ARHGAP6: variants seen among roughly 807,000 people sequenced by gnomAD.
ARHGAP6 encodes the protein rho GTPase-activating protein 6.
A neutral mutation model predicts 55.7 loss-of-function variants in ARHGAP6; 16 were observed. The ratio of observed to expected loss-of-function variants is 0.29; its 90% CI spans 0.19 to 0.44. The LOEUF (loss-of-function observed/expected upper bound fraction) is 0.44. ARHGAP6 is among the 20% of genes least tolerant of loss of function. ARHGAP6 has a pLI of 1.00. For missense variants in ARHGAP6, 698 were observed against 808.9 expected, an observed-to-expected ratio of 0.86 and a Z score of 1.66; for synonymous variants, 382 against 360.9, an observed-to-expected ratio of 1.06 and a Z score of -0.66.
chrX:11,151,881 A>G, intron 10 of ARHGAP6, among the ~76,000 whole-genome samples: 1 of 111,922 alleles, frequency 8.9e-6, no homozygotes, highest in Admixed American at 9.5e-5. Context: ...AAAAAATCAA[A>G]GGGTTAGAAG....
At chrX:11,144,919 G>C (rs2045668602) in intron 10 of ARHGAP6, among the ~76,000 whole-genome samples, 1 of 112,216 alleles carries the variant, frequency 8.9e-6, no homozygotes, top group Non-Finnish European at 1.9e-5. Flanking sequence ...AGGCACTAGT[G>C]CTTTTACAAA....
chrX:11,525,990 T>C (rs1485704677), intron 1 of ARHGAP6, among the ~76,000 whole-genome samples: 1 of 111,682 alleles, frequency 9.0e-6, no homozygotes, highest in Admixed American at 9.6e-5. Flanking sequence ...TTTTCTGGTA[T>C]TGATACCTAT....
At chrX:11,611,654 AT>A (rs1345725790) in intron 1 of ARHGAP6, among the ~76,000 whole-genome samples, 1 of 111,711 alleles carries the variant, frequency 9.0e-6, no homozygotes, top group African/African-American at 3.3e-5. Context: ...CGCACAATGA[AT>A]TTTTTTCAAT....
At chrX:11,582,212 G>T (rs1321823891) in intron 1 of ARHGAP6, among the ~76,000 whole-genome samples, 1 of 111,066 alleles carries the variant, frequency 9.0e-6, no homozygotes, top group Non-Finnish European at 1.9e-5. Flanking sequence ...GCAAAGCTCA[G>T]ATTTGACCCA....
At chrX:11,220,333 G>T (rs775147384) in intron 2 of ARHGAP6, among the ~76,000 whole-genome samples, 1 of 111,179 alleles carries the variant, frequency 9.0e-6, no homozygotes, top group African/African-American at 3.3e-5. Context: ...ATAATTGTCA[G>T]ATTCACCAAA....
rs192103120 is a variant in ARHGAP6, at chrX:11,637,288, A to T, written c.588+26953T>A. Among the ~76,000 whole-genome samples the T allele has an allele frequency of 4.5e-5, 5 of 111,218 alleles. No individual in the cohort carries two copies. The East Asian group carries it at 1.4e-3, about 32-fold the overall frequency. On this transcript the variant is annotated intron_variant, in intron 1 of 12. Coordinates refer to ENST00000337414, the MANE Select transcript of ARHGAP6 (RefSeq NM_013427.3). ...TCTGACTACTGGCAGCAGACCTCAA[A>T]CATAAGAGAGTTGAAATGGCCAAGT...
At chrX:11,570,826 T>G (rs1432354051) in intron 1 of ARHGAP6, among the ~76,000 whole-genome samples, 1 of 112,000 alleles carries the variant, frequency 8.9e-6, no homozygotes, top group African/African-American at 3.2e-5. Context: ...CCTCCAAAAT[T>G]TATGATGAAA....
intron 1 of ARHGAP6, among the ~76,000 whole-genome samples, chrX:11,345,635 G>C (rs982820598): frequency 1.3e-4 from 14 of 111,846 alleles, no homozygotes; most frequent in African/African-American, 4.2e-4. Context: ...GGGATGGGGA[G>C]GCCAGCTGGG....
intron 1 of ARHGAP6, among the ~76,000 whole-genome samples, chrX:11,595,294 G>GA (rs200780665): frequency 0.23 from 14,403 of 63,456 alleles, 1,265 homozygotes; most frequent in Middle Eastern, 0.31. Flanking sequence ...TGTCTCAAGA[G>GA]AAAAAAAAAA....
rs376956456 is a variant in ARHGAP6 at position 11,522,086 on chromosome X, C to G, written c.588+142155G>C. On this transcript the variant is annotated intron_variant, in intron 1 of 12. Transcript: ENST00000337414. ...AGAACTCAGGATTAAGAAACTCACT[C>G]AAAACCGCCCAACTACATGGAAACT... Among the ~76,000 whole-genome samples, 22 of 111,611 alleles carry G rather than the reference C, an allele frequency of 2.0e-4. No individual in the cohort carries two copies. In the South Asian group the frequency reaches 6.5e-3, roughly 33 times the overall value.
chrX:11,202,048 G>GCCTGGTC (rs1455827313), intron 2 of ARHGAP6, among the ~76,000 whole-genome samples: 15 of 30,186 alleles, frequency 5.0e-4, no homozygotes, highest in African/African-American at 1.8e-3. Flanking sequence ...TGTGTGTGTA[G>GCCTGGTC]CCTGGTCCAC....
chrX:11,598,793 G>A (rs772988816), intron 1 of ARHGAP6, among the ~76,000 whole-genome samples: 146 of 111,609 alleles, frequency 1.3e-3, no homozygotes, highest in Non-Finnish European at 1.7e-3. Flanking sequence ...ATGGTGGCTC[G>A]CGCCTGTAAT....
At chrX:11,472,270 A>G (rs186893796) in intron 1 of ARHGAP6, among the ~76,000 whole-genome samples, 312 of 111,657 alleles carry the variant, frequency 2.8e-3, no homozygotes, top group Non-Finnish European at 4.2e-3. Flanking sequence ...CAGATCGCCA[A>G]ATTTGCCCTG....
At chrX:11,627,557 T>C (rs953999812) in intron 1 of ARHGAP6, among the ~76,000 whole-genome samples, 1 of 111,698 alleles carries the variant, frequency 9.0e-6, no homozygotes, top group African/African-American at 3.2e-5. Flanking sequence ...TAGTCATTAA[T>C]ACATAATACA....
intron 1 of ARHGAP6, among the ~76,000 whole-genome samples, chrX:11,344,700 A>G (rs867327996): frequency 0.023 from 2,329 of 103,470 alleles, 98 homozygotes; most frequent in African/African-American, 0.068. Flanking sequence ...AAAAAAAAAA[A>G]AAAAGAAAAG....
At chrX:11,195,959 CAAAAAAAAAAA>C (rs1024986729) in intron 3 of ARHGAP6, among the ~76,000 whole-genome samples, 22 of 8,412 alleles carry the variant, frequency 2.6e-3, no homozygotes, top group African/African-American at 6.3e-3. Flanking sequence ...ACTAAAAATA[CAAAAAAAAAAA>C]AAAAAAAAAA....
chrX:11,387,247 T>C (rs181484209), intron 1 of ARHGAP6, among the ~76,000 whole-genome samples: 2 of 111,705 alleles, frequency 1.8e-5, no homozygotes, highest in African/African-American at 6.5e-5. Flanking sequence ...TGGGGAGCTC[T>C]ACAAAATACC....
chrX:11,250,788 T>G (rs1238866537), intron 2 of ARHGAP6, among the ~76,000 whole-genome samples: 1 of 111,393 alleles, frequency 9.0e-6, no homozygotes, highest in African/African-American at 3.3e-5. Flanking sequence ...TCAAGGACCT[T>G]AACTCATCAC....
At chrX:11,237,378 A>C (rs2047217258) in intron 2 of ARHGAP6, among the ~76,000 whole-genome samples, 1 of 111,953 alleles carries the variant, frequency 8.9e-6, no homozygotes, top group Admixed American at 9.5e-5. Context: ...GTTTTATAAA[A>C]AGTTAAGTCC....
Sources: gnomAD v4.1 joint callset for allele counts (sites outside exome capture counted in the v4.1 genomes callset) on GRCh38, gnomAD v4.1.1 for gene constraint, MANE v1.5 for transcripts, NCBI Gene and HGNC (gene_info 2026-07-23, HGNC 2026-07-21) for gene names.